The following LPAR1 variants were observed in gnomAD, a reference collection of about 807,000 sequenced individuals.
LPAR1 encodes lysophosphatidic acid receptor 1.
In LPAR1, 5 loss-of-function variants were observed where a neutral mutation model predicts 23.8. That is an observed-to-expected ratio of 0.21 (90% confidence interval 0.11 to 0.44). LPAR1 has a LOEUF of 0.44. Among genes scored for constraint, LPAR1 ranks in the 20% least tolerant of loss-of-function variants. The pLI is 0.99. For missense variants in LPAR1, 311 were observed against 482.8 expected, an observed-to-expected ratio of 0.64 and a Z score of 3.33; for synonymous variants, 160 against 164.7, an observed-to-expected ratio of 0.97 and a Z score of 0.22.
chr9:111,023,994 A>T lies in LPAR1; in HGVS notation c.-182+12128T>A, dbSNP rs142745977. 7.6e-3 allele frequency among the ~76,000 whole-genome samples: 1,157 copies of T among 152,336 alleles called. 19 individuals are homozygous for T. Among genetic ancestry groups the T allele is most frequent in the African/African-American group, 0.027 (1,103 of 41,584 alleles). ...AATGCTCAAGAAGGTGCACACAAAG[A>T]CAAAAATTGGCAATAGCACTAAAAA... On this transcript the variant is annotated intron_variant, in intron 2 of 5. Transcript: ENST00000683809.
intron 5 of LPAR1, among the ~76,000 whole-genome samples, chr9:110,940,551 G>A (rs1374705183): frequency 2.0e-5 from 3 of 152,066 alleles, no homozygotes; most frequent in Middle Eastern, 3.2e-3. Flanking sequence ...GTGATCAAAC[G>A]TTAACCTGAA....
intron 2 of LPAR1, among the ~76,000 whole-genome samples, chr9:111,012,105 G>A (rs10980691): frequency 0.08 from 12,243 of 152,188 alleles, 625 homozygotes; most frequent in Non-Finnish European, 0.12. Flanking sequence ...TTTTAAATTA[G>A]CCAGGCATGG....
At chr9:110,891,372 A>T (rs551603761) in intron 5 of LPAR1, among the ~76,000 whole-genome samples, 38 of 152,312 alleles carry the variant, frequency 2.5e-4, no homozygotes, top group African/African-American at 9.1e-4. Context: ...TTGAAGGGGA[A>T]GATTCAATAC....
At chr9:110,975,169 A>C (rs2096528736) in intron 2 of LPAR1, among the ~76,000 whole-genome samples, 1 of 152,246 alleles carries the variant, frequency 6.6e-6, no homozygotes, top group East Asian at 1.9e-4. Context: ...TATGTCATTA[A>C]GCAATATAAC....
chr9:111,021,817 T>A (rs754099600), intron 2 of LPAR1, among the ~76,000 whole-genome samples: 8 of 151,720 alleles, frequency 5.3e-5, no homozygotes, highest in Non-Finnish European at 7.4e-5. Context: ...AAAAATTAGC[T>A]GAGTGTGGGG....
intron 5 of LPAR1, among the ~76,000 whole-genome samples, chr9:110,879,287 G>A (rs768094585): frequency 2.6e-5 from 4 of 151,722 alleles, no homozygotes; most frequent in Non-Finnish European, 4.4e-5. Flanking sequence ...GCGTGGTGGC[G>A]CACACCTGTG....
chr9:110,930,189 CTTCTCCAT>C (rs1208570164), intron 5 of LPAR1, among the ~76,000 whole-genome samples: 2 of 152,204 alleles, frequency 1.3e-5, no homozygotes, highest in African/African-American at 4.8e-5. Context: ...ATCCCTTCTT[CTTCTCCAT>C]AGGATGTTAA....
intron 5 of LPAR1, among the ~76,000 whole-genome samples, chr9:110,880,350 C>A (rs1425425049): frequency 4.6e-5 from 7 of 152,140 alleles, no homozygotes; most frequent in Non-Finnish European, 8.8e-5. Context: ...TATTACCACA[C>A]CTTCCCTCAA....
intron 2 of LPAR1, among the ~76,000 whole-genome samples, chr9:111,008,511 T>C (rs2097264219): frequency 6.6e-6 from 1 of 152,150 alleles, no homozygotes; most frequent in South Asian, 2.1e-4. Flanking sequence ...ACCTTGAGTT[T>C]TGGCTTTTAA....
In LPAR1 at chr9:111,023,025, T is replaced by C. The variant is rs573769993; in HGVS notation, c.-182+13097A>G. Reference sequence around the variant, plus strand: ...AAGATCGCGCCACTGCACTCCAGCCTGGGTGACACAGCAAGACTCCGTCTC... The same window carrying C: ...AAGATCGCGCCACTGCACTCCAGCCCGGGTGACACAGCAAGACTCCGTCTC... On this transcript the variant is annotated intron_variant, in intron 2 of 5. Transcript: ENST00000683809. Among the ~76,000 whole-genome samples the C allele has an allele frequency of 6.9e-3, 847 of 123,300 alleles. 8 individuals carry two copies. Among genetic ancestry groups the C allele is most frequent in the African/African-American group, 0.026 (809 of 30,598 alleles). The allele number at this position is 123,300 out of a possible 152,430, so 80.9% of individuals were successfully genotyped here.
chr9:111,023,063 A>C (rs2097593164), intron 2 of LPAR1, among the ~76,000 whole-genome samples: 2 of 151,112 alleles, frequency 1.3e-5, no homozygotes, highest in African/African-American at 2.4e-5. Context: ...CAAAAAAAAA[A>C]AAAAAAAAAA....
chr9:110,885,493 G>A (rs889422178), intron 5 of LPAR1, among the ~76,000 whole-genome samples: 2 of 152,134 alleles, frequency 1.3e-5, no homozygotes, highest in Non-Finnish European at 2.9e-5. Flanking sequence ...AATAAAGTCA[G>A]AATAATGTTC....
intron 2 of LPAR1, among the ~76,000 whole-genome samples, chr9:110,997,789 G>C (rs1404922809): frequency 1.3e-5 from 2 of 152,138 alleles, no homozygotes; most frequent in African/African-American, 2.4e-5. Flanking sequence ...TATGATATAA[G>C]GTGAGCAGAG....
At chr9:110,979,197 T>G (rs1035519365) in intron 2 of LPAR1, among the ~76,000 whole-genome samples, 1 of 151,892 alleles carries the variant, frequency 6.6e-6, no homozygotes, top group Admixed American at 6.6e-5. Context: ...ATATTGTGCA[T>G]GATAAATACT....
chr9:110,963,646 C>T (rs1040209891), intron 4 of LPAR1, among the ~76,000 whole-genome samples: 2 of 151,838 alleles, frequency 1.3e-5, no homozygotes, highest in East Asian at 1.9e-4. Flanking sequence ...TACCCTAAAA[C>T]TTAAAGTGTA....
intron 4 of LPAR1, among the ~76,000 whole-genome samples, chr9:110,958,693 T>C (rs2095843710): frequency 6.6e-6 from 1 of 151,766 alleles, no homozygotes; most frequent in Admixed American, 6.6e-5. Context: ...AAAGCACAAA[T>C]AAAAACAAAA....
chr9:111,018,832 A>G (rs1564354783), intron 2 of LPAR1, among the ~76,000 whole-genome samples: 1 of 152,366 alleles, frequency 6.6e-6, no homozygotes, highest in East Asian at 1.9e-4. Context: ...TGAGTACAAT[A>G]CTTTTTAAAA....
chr9:110,905,005 T>TAGAGGAATTA (rs1343099150), intron 5 of LPAR1, among the ~76,000 whole-genome samples: 5 of 152,182 alleles, frequency 3.3e-5, no homozygotes, highest in African/African-American at 9.7e-5. Context: ...CATGGACCAT[T>TAGAGGAATTA]TCCACTTAGA....
At chr9:110,915,194 T>C (rs772020344) in intron 5 of LPAR1, among the ~76,000 whole-genome samples, 3 of 152,230 alleles carry the variant, frequency 2.0e-5, no homozygotes, top group Non-Finnish European at 2.9e-5. Flanking sequence ...TTTATTGCTA[T>C]TTTATGATGA....
Sources: gnomAD v4.1 joint callset for allele counts (sites outside exome capture counted in the v4.1 genomes callset) on GRCh38, gnomAD v4.1.1 for gene constraint, MANE v1.5 for transcripts, NCBI Gene and HGNC (gene_info 2026-07-23, HGNC 2026-07-21) for gene names.